NBL1: variants seen among roughly 807,000 people sequenced by gnomAD.
The protein encoded by NBL1 is NBL1, DAN family BMP antagonist.
A neutral mutation model predicts 16.0 loss-of-function variants in NBL1; 9 were observed. The ratio of observed to expected loss-of-function variants is 0.56; its 90% CI spans 0.34 to 0.98. The LOEUF is 0.98. NBL1 is among the 50% of genes least tolerant of loss of function. The pLI is 0.02. For missense variants in NBL1, 196 were observed against 243.1 expected (o/e 0.81, Z 1.29); for synonymous variants, 86 against 100.7 (o/e 0.85, Z 0.87).
In NBL1 at chr1:19,655,420, G is replaced by T; in HGVS notation, c.267G>T (p.Gln89His). 3 of 1,614,134 alleles carry T rather than the reference G, an allele frequency of 1.9e-6. No homozygotes were observed. Among genetic ancestry groups the T allele is most frequent in the Non-Finnish European group, 2.5e-6 (3 of 1,180,014 alleles). ...LVHCDSCMPA[Q>H]SMWEIVTLEC... ...ACTGTGACTCCTGCATGCCAGCCCA[G>T]TCCATGTGGGAGATTGTGAGTACTG... The change falls in exon 3 of 4, where the codon CAG (glutamine) becomes CAT (histidine). Residue 89 changes from glutamine to histidine, a missense_variant. Gln to His is a conservative substitution (Grantham distance 24). Transcript: ENST00000375136.
rs111331264 is a variant in NBL1 at position 19,650,521 on chromosome 1, C to T, written c.-19-4491C>T. 2.5e-3 allele frequency among the ~76,000 whole-genome samples: 386 copies of T among 152,316 alleles called. 4 individuals are homozygous for T. The highest frequency in any genetic ancestry group is 8.6e-3 in the African/African-American group (359 of 41,580). On this transcript the variant is annotated intron_variant, in intron 1 of 3. Transcript: ENST00000375136. ...GAGTGTGGAACTGCAGGGCCCTGAA[C>T]GGCCCAGGGCAGGGCATTGCTTTGC...
chr1:19,656,761 G>A (rs2095058699), intron 3 of NBL1, 105 bp from the exon 4 acceptor site: 4 of 1,444,104 alleles, frequency 2.8e-6, no homozygotes, highest in African/African-American at 1.4e-5. Context: ...CATCACAGGT[G>A]GGCTCTGGGA....
chr1:19,650,749 AT>A (rs1437485370), intron 1 of NBL1, among the ~76,000 whole-genome samples: 9 of 152,136 alleles, frequency 5.9e-5, no homozygotes, highest in African/African-American at 2.2e-4. Context: ...AAAAAAAAAA[AT>A]AGATTAGTTG....
chr1:19,644,034 G>GCTGCC (rs985689090), upstream of NBL1: 85 of 982,564 alleles, frequency 8.7e-5, no homozygotes, highest in Admixed American at 9.2e-4. This position sits in a 1 kb window ranked among gnomAD's most constrained non-coding sequence, Gnocchi z 4.6. Flanking sequence ...GCCCGGCTGG[G>GCTGCC]CTGCCCTGCC....
At position 19,656,852 on chromosome 1, in the gene NBL1, C is replaced by T. The variant is rs79061523; in HGVS notation, c.283-14C>T. 1.7e-3 allele frequency: 2,731 copies of T among 1,603,672 alleles called. 40 individuals carry two copies. The African/African-American group carries it at 0.032, about 19-fold the overall frequency. On this transcript the variant is annotated splice_polypyrimidine_tract_variant and intron_variant, in intron 3 of 3. Transcript: ENST00000375136. ...TTTGGGAACATGCCTCTGCTTCTCT[C>T]TTGCCCTCTGCAGGTGACGCTGGAG...
chr1:19,644,213 G>A (rs2094963429), upstream of NBL1: 5 of 976,980 alleles, frequency 5.1e-6, no homozygotes, highest in Non-Finnish European at 6.1e-6. This position sits in a 1 kb window ranked among gnomAD's most constrained non-coding sequence, Gnocchi z 4.6. Context: ...CTCTTTCTGC[G>A]CGCGGCCCTC....
At chr1:19,654,884 C>A in intron 1 of NBL1, 128 bp from the exon 2 acceptor site, 1 of 1,248,400 alleles carries the variant, frequency 8.0e-7, no homozygotes, top group Non-Finnish European at 1.1e-6. Context: ...TCCAAAGTTG[C>A]ACTTGGTTAG....
rs2094969875 is a variant in NBL1, at chr1:19,644,996, G to C, written c.-20+550G>C. Among the ~76,000 whole-genome samples the C allele has an allele frequency of 6.6e-6, 1 of 151,730 alleles. No homozygotes were observed. Among genetic ancestry groups the C allele is most frequent in the Non-Finnish European group, 1.5e-5 (1 of 68,024 alleles). ...TCCGTGTTCGGCTGCCCGCGTTTGTGTCTCTGCCTCTGGCTTTTCTCTCCC... is the reference window on the plus strand; with the variant it reads ...TCCGTGTTCGGCTGCCCGCGTTTGTCTCTCTGCCTCTGGCTTTTCTCTCCC... On this transcript the variant is annotated intron_variant, in intron 1 of 3. Transcript: ENST00000375136. This position sits in a 1 kb window ranked among gnomAD's most constrained non-coding sequence, Gnocchi z 4.6.
At chr1:19,650,118 A>G (rs1348190019) in intron 1 of NBL1, among the ~76,000 whole-genome samples, 5 of 152,084 alleles carry the variant, frequency 3.3e-5, no homozygotes, top group African/African-American at 9.7e-5. Flanking sequence ...ACAGTGACCT[A>G]CAGTATTTAG....
chr1:19,655,912 C>A (rs1290920751), intron 3 of NBL1, among the ~76,000 whole-genome samples: 1 of 152,056 alleles, frequency 6.6e-6, no homozygotes, highest in Admixed American at 6.5e-5. Context: ...GCTTGGAACA[C>A]CACCTCTGTC....
intron 1 of NBL1, among the ~76,000 whole-genome samples, chr1:19,648,307 G>A (rs1029720443): frequency 1.3e-5 from 2 of 152,300 alleles, no homozygotes; most frequent in East Asian, 3.9e-4. Context: ...CAGTGGCAGC[G>A]TTGTTAATCG....
chr1:19,647,896 TGTGTGTGC>T (rs2094993686), intron 1 of NBL1, among the ~76,000 whole-genome samples: 21 of 100,708 alleles, frequency 2.1e-4, no homozygotes, highest in East Asian at 2.0e-3. Flanking sequence ...TGTGCGCGCG[TGTGTGTGC>T]GTGCTTGTGC....
chr1:19,643,610 C>G, upstream of NBL1: 1 of 1,382,876 alleles, frequency 7.2e-7, no homozygotes, highest in Non-Finnish European at 9.4e-7. This position sits in a 1 kb window ranked among gnomAD's most constrained non-coding sequence, Gnocchi z 4.7. Context: ...CTCCACTCTT[C>G]CCAGGAGTCA....
intron 1 of NBL1, among the ~76,000 whole-genome samples, chr1:19,650,014 G>A (rs760279332): frequency 8.0e-5 from 12 of 149,610 alleles, no homozygotes; most frequent in East Asian, 7.8e-4. Context: ...TCGCTTTGTC[G>A]CCCAGGCTGG....
chr1:19,646,470 G>A (rs922231612), intron 1 of NBL1, among the ~76,000 whole-genome samples: 5 of 152,248 alleles, frequency 3.3e-5, no homozygotes, highest in Non-Finnish European at 7.3e-5. Context: ...CGGTTGGGCT[G>A]ACCAGAGCCG....
At position 19,655,065 on chromosome 1, in the gene NBL1, C is replaced by A; in HGVS notation, c.35C>A (p.Pro12His). Residue 12 changes from proline to histidine, a missense_variant, in exon 2 of 4, where the codon CCT becomes CAT. Transcript: ENST00000375136. ...MLRVLVGAVL[P>H]AMLLAAPPPI... ...CGGGTCCTGGTGGGGGCTGTCCTCC[C>A]TGCCATGCTACTGGCTGCCCCACCA... The A allele has an allele frequency of 6.2e-7, 1 of 1,612,656 alleles. No individual in the cohort carries two copies. The highest frequency in any genetic ancestry group is 1.7e-5 in the Admixed American group (1 of 59,992).
At chr1:19,643,911 C>T (rs2094961553), upstream of NBL1, 12 of 987,046 alleles carry the variant, frequency 1.2e-5, no homozygotes, top group Non-Finnish European at 1.4e-5. The surrounding 1 kb of genome is among the most constrained non-coding windows in gnomAD (Gnocchi z 4.7). Flanking sequence ...ACACATCCAT[C>T]TTTGTCACCC....
At chr1:19,645,939 TCTG>T in intron 1 of NBL1, 1 of 1,550,414 alleles carries the variant, frequency 6.4e-7, no homozygotes, top group Non-Finnish European at 8.7e-7. Flanking sequence ...CAGTGGAACT[TCTG>T]CTGAGCAGAT....
chr1:19,657,278 G>A lies in NBL1; in HGVS notation c.*149G>A. 1 of 545,606 alleles carries A rather than the reference G, an allele frequency of 1.8e-6. No individual in the cohort carries two copies. The highest frequency in any genetic ancestry group is 3.3e-6 in the Non-Finnish European group (1 of 305,006). 33.8% of individuals were successfully genotyped at this position (545,606 alleles called of 1,614,324 possible). A position where few individuals can be genotyped will look rare whatever the true frequency, so the allele number is the denominator to read the frequency against. The stretch of plus-strand genomic sequence containing the variant: ...ACTTGAATGCTGCCCGGTTGCCATG[G>A]AGATCTGAAGGGGCGGGGTTAGAGC... On this transcript the variant is annotated 3_prime_UTR_variant, in exon 4 of 4. Transcript: ENST00000375136.
Sources: gnomAD v4.1 joint callset for allele counts (sites outside exome capture counted in the v4.1 genomes callset) on GRCh38, gnomAD v4.1.1 for gene constraint, Gnocchi (gnomAD v3.1) non-coding constraint, MANE v1.5 for transcripts, NCBI Gene and HGNC (gene_info 2026-07-23, HGNC 2026-07-21) for gene names.